NCOA3: variants seen among roughly 807,000 people sequenced by gnomAD.
The protein encoded by NCOA3 is CBP-interacting protein.
In NCOA3, 51 loss-of-function variants were observed where a neutral mutation model predicts 158.8. The ratio of observed to expected loss-of-function variants is 0.32; its 90% CI spans 0.26 to 0.41. The LOEUF (loss-of-function observed/expected upper bound fraction) is 0.41. Among genes scored for constraint, NCOA3 ranks in the 10% least tolerant of loss-of-function variants. The pLI is 1.00. For synonymous variants in NCOA3, 537 were observed against 592.4 expected (o/e 0.91, Z 1.36); for missense variants, 1,510 against 1,746.6 (o/e 0.86, Z 2.41).
intron 2 of NCOA3, among the ~76,000 whole-genome samples, 185 bp from the exon 3 acceptor site, chr20:47,622,044 A>G (rs375615859): frequency 6.6e-6 from 1 of 152,170 alleles, no homozygotes; most frequent in African/African-American, 2.4e-5. Flanking sequence ...TGCATAATTC[A>G]TATTAGAATA....
At chr20:47,537,312 A>T (rs3091746) in intron 1 of NCOA3, among the ~76,000 whole-genome samples, 140,959 of 152,046 alleles carry the variant, frequency 0.93, 65,470 homozygotes, top group African/African-American at 0.98. Flanking sequence ...AGAACTTATC[A>T]GAGAAGTAAA....
At chr20:47,644,288 C>T (rs545762731) in intron 17 of NCOA3, among the ~76,000 whole-genome samples, 2 of 151,880 alleles carry the variant, frequency 1.3e-5, no homozygotes, top group South Asian at 4.2e-4. Flanking sequence ...TACAGGTGCC[C>T]GCCACCACAC....
At chr20:47,645,974 G>A (rs913628657) in intron 17 of NCOA3, among the ~76,000 whole-genome samples, 2 of 152,180 alleles carry the variant, frequency 1.3e-5, no homozygotes, top group Admixed American at 6.5e-5. Flanking sequence ...GGGAGAATGT[G>A]AAGAATCAAA....
At position 47,627,110 on chromosome 20, in the gene NCOA3, A is replaced by G. The variant is rs766741096; in HGVS notation, c.466A>G (p.Ser156Gly). The G allele has an allele frequency of 5.0e-6, 8 of 1,612,518 alleles. No homozygotes were observed. Among genetic ancestry groups the G allele is most frequent in the South Asian group, 2.2e-5 (2 of 91,012 alleles). Residue 156 changes from serine to glycine, a missense_variant, in exon 6 of 23, where the codon AGT (serine) becomes GGT (glycine). Ser to Gly is a moderately conservative substitution (Grantham distance 56). Around this residue, in one of 4 missense-constraint regions of NCOA3, gnomAD observed 309 missense variants for 427.1 expected, o/e 0.72. Transcript: ENST00000371998. ...QYKQEDLVNT[S>G]VYNILHEEDR... ...TAAGCAAGAGGACCTGGTTAACACA[A>G]GTGTTTACAATATCTTACATGAAGA...
chr20:47,556,603 A>G (rs971624657), intron 1 of NCOA3, among the ~76,000 whole-genome samples: 3 of 150,584 alleles, frequency 2.0e-5, no homozygotes, highest in Admixed American at 6.6e-5. Flanking sequence ...GCTCACTGCA[A>G]CCTCCGCCTC....
chr20:47,593,341 T>TTTTTTTTTTC, intron 2 of NCOA3, among the ~76,000 whole-genome samples: 1 of 126,112 alleles, frequency 7.9e-6, no homozygotes, highest in African/African-American at 3.2e-5. Context: ...TGGATTTTTT[T>TTTTTTTTTTC]TTTTTTTTTT....
intron 1 of NCOA3, among the ~76,000 whole-genome samples, chr20:47,540,300 G>C (rs1472302533): frequency 6.6e-6 from 1 of 152,046 alleles, no homozygotes; most frequent in African/African-American, 2.4e-5. Flanking sequence ...TGGCTGGGGC[G>C]CGGTGGCTTA....
chr20:47,623,836 C>T lies in NCOA3; in HGVS notation c.84-75C>T, dbSNP rs1185175885. 22 of 1,369,906 alleles carry T rather than the reference C, an allele frequency of 1.6e-5. 1 individual carries two copies. In the South Asian group the frequency reaches 2.6e-4, roughly 16 times the overall value. The allele number at this position is 1,369,906 out of a possible 1,614,324, so 84.9% of individuals were successfully genotyped here. ...ATCATGTAATAGTGTTGTATAGGGG[C>T]TGATTCTGCTAACAGCTCTTTTGTG... is the stretch of plus-strand genomic sequence containing the variant. On this transcript the variant is annotated intron_variant, in intron 3 of 22. Coordinates refer to ENST00000371998, the MANE Select transcript of NCOA3 (RefSeq NM_181659.3).
At chr20:47,506,896 GA>G (rs1234627995) in intron 1 of NCOA3, among the ~76,000 whole-genome samples, 1 of 152,160 alleles carries the variant, frequency 6.6e-6, no homozygotes, top group African/African-American at 2.4e-5. Context: ...TAGAGGCTAT[GA>G]ATGAGGGTTA....
At chr20:47,528,641 T>C (rs575983800) in intron 1 of NCOA3, among the ~76,000 whole-genome samples, 1 of 152,328 alleles carries the variant, frequency 6.6e-6, no homozygotes, top group African/African-American at 2.4e-5. Context: ...CTGACTTGAA[T>C]TAGGTTTTGA....
At chr20:47,538,628 C>A (rs1469333719) in intron 1 of NCOA3, among the ~76,000 whole-genome samples, 2 of 152,082 alleles carry the variant, frequency 1.3e-5, no homozygotes, top group Non-Finnish European at 2.9e-5. Context: ...ACCTCTGCCT[C>A]CCGGGTTCAA....
intron 20 of NCOA3, among the ~76,000 whole-genome samples, chr20:47,651,580 ACT>A (rs530376723): frequency 1.3e-4 from 19 of 151,900 alleles, no homozygotes; most frequent in Non-Finnish European, 2.6e-4. Context: ...GTATAGTAGA[ACT>A]CTCTAATCTC....
chr20:47,622,110 A>G (rs2086250706), intron 2 of NCOA3, 119 bp from the exon 3 acceptor site: 2 of 560,494 alleles, frequency 3.6e-6, no homozygotes, highest in Admixed American at 7.5e-5. Flanking sequence ...ATTGAGAATT[A>G]TCTGTTTAGA....
chr20:47,570,096 A>G (rs914948202), intron 1 of NCOA3, among the ~76,000 whole-genome samples: 7 of 152,188 alleles, frequency 4.6e-5, no homozygotes, highest in African/African-American at 1.4e-4. Flanking sequence ...GATTTCGACA[A>G]TGTTCACAGA....
At chr20:47,606,165 C>T (rs545404531) in intron 2 of NCOA3, among the ~76,000 whole-genome samples, 46 of 152,238 alleles carry the variant, frequency 3.0e-4, no homozygotes, top group Middle Eastern at 3.4e-3. Flanking sequence ...ATTACATGAA[C>T]GTGGGGTATC....
chr20:47,603,191 T>C (rs1053922860), intron 2 of NCOA3, among the ~76,000 whole-genome samples: 1 of 152,244 alleles, frequency 6.6e-6, no homozygotes, highest in African/African-American at 2.4e-5. Context: ...TTTGAGAATT[T>C]AGTATTTCTC....
intron 2 of NCOA3, among the ~76,000 whole-genome samples, chr20:47,605,037 T>G (rs895939450): frequency 3.9e-5 from 6 of 152,144 alleles, no homozygotes; most frequent in Admixed American, 2.6e-4. Flanking sequence ...CCGGCCAATC[T>G]TTGTATTTTT....
At chr20:47,588,356 A>C (rs182678341) in intron 2 of NCOA3, among the ~76,000 whole-genome samples, 1 of 151,526 alleles carries the variant, frequency 6.6e-6, no homozygotes, top group Non-Finnish European at 1.5e-5. Flanking sequence ...GCTGGTCTCC[A>C]ACTCCTGAGG....
intron 1 of NCOA3, among the ~76,000 whole-genome samples, chr20:47,535,569 G>A (rs571749457): frequency 2.0e-5 from 3 of 149,930 alleles, no homozygotes; most frequent in South Asian, 2.1e-4. Context: ...GTGCAGTGGC[G>A]CAATCTCGGC....
Sources: allele counts gnomAD v4.1 joint callset (sites outside exome capture counted in the v4.1 genomes callset), GRCh38; gene constraint gnomAD v4.1.1; regional missense constraint gnomAD v4.1.1; transcripts MANE v1.5; gene names NCBI Gene and HGNC (gene_info 2026-07-23, HGNC 2026-07-21).